Variants in SEMA3A observed in about 807,000 individuals in gnomAD.
The protein encoded by SEMA3A is semaphorin 3A.
A neutral mutation model predicts 97.9 loss-of-function variants in SEMA3A; 29 were observed. The observed-to-expected ratio is 0.30, with a 90% CI of 0.22 to 0.40. The LOEUF (loss-of-function observed/expected upper bound fraction) is 0.40, where lower values mean the gene tolerates loss of function less well. Among genes scored for constraint, SEMA3A ranks in the 10% least tolerant of loss-of-function variants. The pLI, the probability that SEMA3A is intolerant of heterozygous loss-of-function variation, is 1.00. For missense variants in SEMA3A, 763 were observed against 951.3 expected (o/e 0.80, Z 2.60); for synonymous variants, 321 against 323.7 (o/e 0.99, Z 0.09).
At chr7:84,226,363 A>C (rs1798990463) in intron 3 of SEMA3A, among the ~76,000 whole-genome samples, 1 of 152,114 alleles carries the variant, frequency 6.6e-6, no homozygotes, top group Non-Finnish European at 1.5e-5. Context: ...CTTTACAAAA[A>C]CTAAAAAAAC....
At chr7:84,013,578 G>A (rs3779436) in intron 7 of SEMA3A, among the ~76,000 whole-genome samples, 44 of 149,226 alleles carry the variant, frequency 2.9e-4, no homozygotes, top group South Asian at 1.0e-3. Flanking sequence ...AAGGTAGGCC[G>A]GGTGCAGTGG....
chr7:84,115,831 A>C (rs1795409044), intron 3 of SEMA3A, among the ~76,000 whole-genome samples: 1 of 152,216 alleles, frequency 6.6e-6, no homozygotes, highest in Admixed American at 6.5e-5. Flanking sequence ...TGTGGTTTCC[A>C]ATTTTATGCA....
intron 4 of SEMA3A, among the ~76,000 whole-genome samples, chr7:84,067,617 T>C (rs1793571119): frequency 6.6e-6 from 1 of 152,100 alleles, no homozygotes; most frequent in Non-Finnish European, 1.5e-5. Context: ...GCGAAGGACA[T>C]GAACAGACAC....
chr7:84,424,249 C>T (rs1013279010), intron 1 of SEMA3A, among the ~76,000 whole-genome samples: 51 of 149,360 alleles, frequency 3.4e-4, no homozygotes, highest in African/African-American at 1.2e-3. Flanking sequence ...CCTATGTACC[C>T]ACTGACCAAT....
At chr7:84,266,036 T>C (rs1382449152) in intron 3 of SEMA3A, among the ~76,000 whole-genome samples, 1 of 152,052 alleles carries the variant, frequency 6.6e-6, no homozygotes, top group Non-Finnish European at 1.5e-5. Context: ...ACAATTTTTC[T>C]AGCTGGGCAT....
At chr7:84,266,232 A>G (rs750926612) in intron 3 of SEMA3A, among the ~76,000 whole-genome samples, 5 of 149,664 alleles carry the variant, frequency 3.3e-5, no homozygotes, top group East Asian at 2.0e-4. Context: ...GAGGCAGGAG[A>G]ATTGCTGGAA....
At chr7:84,485,987 AT>A (rs1215772918) in intron 1 of SEMA3A, among the ~76,000 whole-genome samples, 1 of 152,186 alleles carries the variant, frequency 6.6e-6, no homozygotes, top group African/African-American at 2.4e-5. Context: ...AGAAATTTTG[AT>A]TTTTTGGTGA....
At chr7:84,181,170 A>G (rs1298756701) in intron 1 of SEMA3A, among the ~76,000 whole-genome samples, 1 of 151,838 alleles carries the variant, frequency 6.6e-6, no homozygotes, top group African/African-American at 2.4e-5. Context: ...GTTGTCTAGT[A>G]ACAGTACTTT....
rs138952094 is a variant in SEMA3A, at chr7:83,961,537, G to A, written c.2150C>T (p.Thr717Ile). The A allele has an allele frequency of 5.2e-4, 840 of 1,614,078 alleles. 4 individuals are homozygous for A. Among genetic ancestry groups the A allele is most frequent in the Admixed American group, 1.3e-3 (78 of 60,016 alleles). Residue 717 changes from threonine to isoleucine, a missense_variant, in exon 17 of 17, where the codon ACA (threonine) becomes ATA (isoleucine). Physicochemically the swap from Thr to Ile is moderately conservative, Grantham distance 89. Transcript: ENST00000265362. ...MQLINHPNLNTMDEFCEQVWK... is the reference protein window; with the variant it reads ...MQLINHPNLNIMDEFCEQVWK... ...AACTTGTTCACAGAACTCATCCATTGTGTTGAGATTGGGGTGGTTGATGAG... is the reference window on the plus strand; with the variant it reads ...AACTTGTTCACAGAACTCATCCATTATGTTGAGATTGGGGTGGTTGATGAG...
At chr7:84,268,249 A>ATGTGTGTGTGTGTGTGTGTGTGTG (rs66460940) in intron 3 of SEMA3A, among the ~76,000 whole-genome samples, 1 of 130,950 alleles carries the variant, frequency 7.6e-6, no homozygotes, top group Non-Finnish European at 1.7e-5. Context: ...AGACATAAGC[A>ATGTGTGTGTGTGTGTGTGTGTGTG]TGTGTGTGTG....
chr7:84,055,347 A>G (rs925003882), intron 5 of SEMA3A, among the ~76,000 whole-genome samples: 13 of 152,284 alleles, frequency 8.5e-5, no homozygotes, highest in Middle Eastern at 3.4e-3. Context: ...TGTGCTAGCA[A>G]TCAGCGAGAC....
intron 4 of SEMA3A, among the ~76,000 whole-genome samples, chr7:84,071,927 T>A (rs973909265): frequency 6.6e-6 from 1 of 152,026 alleles, no homozygotes; most frequent in Admixed American, 6.6e-5. Context: ...CAAAGACACA[T>A]CCCAGGAACT....
chr7:84,153,398 G>A (rs911106303), intron 1 of SEMA3A, among the ~76,000 whole-genome samples: 3 of 152,222 alleles, frequency 2.0e-5, no homozygotes, highest in African/African-American at 7.2e-5. Flanking sequence ...CAGAGGAAAG[G>A]ATGCACACTG....
At chr7:84,229,757 C>T (rs1266741772) in intron 3 of SEMA3A, among the ~76,000 whole-genome samples, 1 of 152,038 alleles carries the variant, frequency 6.6e-6, no homozygotes, top group Non-Finnish European at 1.5e-5. Context: ...TCTCTATTAT[C>T]TCTGGTATAC....
Position 84,358,706 on chromosome 7 carries a change from G to C in SEMA3A, c.-169+13118C>G, listed in dbSNP as rs1302539757. Among the ~76,000 whole-genome samples the C allele has an allele frequency of 3.3e-5, 5 of 152,184 alleles. No homozygotes were observed. In the East Asian group the frequency reaches 9.7e-4, roughly 29 times the overall value. ...TTTGTAGCTTGATGGGGATGGCATT[G>C]AATCTATAAATTACCTTGGGCAGTA... On this transcript the variant is annotated intron_variant, in intron 2 of 3. Coordinates refer to the SEMA3A transcript ENST00000424555.
At chr7:84,177,302 T>C (rs1797598190) in intron 1 of SEMA3A, among the ~76,000 whole-genome samples, 1 of 152,124 alleles carries the variant, frequency 6.6e-6, no homozygotes, top group Admixed American at 6.5e-5. Flanking sequence ...AACATAAACA[T>C]AGGTTACTTG....
chr7:84,288,642 G>A (rs1238397666), intron 3 of SEMA3A, among the ~76,000 whole-genome samples: 1 of 152,028 alleles, frequency 6.6e-6, no homozygotes, highest in Non-Finnish European at 1.5e-5. Flanking sequence ...AGTTTGCAGT[G>A]AGCAGAGATT....
intron 4 of SEMA3A, among the ~76,000 whole-genome samples, chr7:84,075,825 T>C: frequency 6.6e-6 from 1 of 152,150 alleles, no homozygotes. Context: ...ACCTTTGATA[T>C]TGGTCTCCAG....
chr7:84,333,085 T>C (rs1018374763), intron 2 of SEMA3A, among the ~76,000 whole-genome samples: 2 of 152,170 alleles, frequency 1.3e-5, no homozygotes, highest in Non-Finnish European at 2.9e-5. Context: ...TAATTGCTGG[T>C]CATGATGGAG....
Sources: gnomAD v4.1 joint callset for allele counts (sites outside exome capture counted in the v4.1 genomes callset) on GRCh38, gnomAD v4.1.1 for gene constraint, MANE v1.5 for transcripts, NCBI Gene and HGNC (gene_info 2026-07-23, HGNC 2026-07-21) for gene names.